The following KDM2A variants were observed in gnomAD, a reference collection of about 807,000 sequenced individuals.
KDM2A encodes lysine demethylase 2A.
A neutral mutation model predicts 137.3 loss-of-function variants in KDM2A; 3 were observed. That is an observed-to-expected ratio of 0.02 (90% confidence interval 0.01 to 0.06). The LOEUF (loss-of-function observed/expected upper bound fraction) is 0.06. Ranked by LOEUF, KDM2A falls within the 10% of genes least tolerant of loss-of-function variation. The probability of loss-of-function intolerance (pLI) is 1.00; values close to 1 mark genes in which losing one functional copy is unlikely to be tolerated. For missense variants in KDM2A, 738 were observed against 1,510.6 expected (o/e 0.49, Z 8.48); for synonymous variants, 512 against 541.5 (o/e 0.95, Z 0.76).
rs567375470 is a variant in KDM2A, at chr11:67,254,862, C to T, written c.3308-12C>T. The T allele has an allele frequency of 8.2e-5, 132 of 1,612,788 alleles. 3 individuals are homozygous for T. In the South Asian group the frequency reaches 1.4e-3, roughly 17 times the overall value. On this transcript the variant is annotated splice_polypyrimidine_tract_variant and intron_variant, in intron 20 of 20. Transcript: ENST00000529006. This position sits in a 1 kb window ranked among gnomAD's most constrained non-coding sequence, Gnocchi z 4.7. ...TATGTGAGCACTGTCATTATGTCCACTTTCCCGACAGGTTGCAATAAATTG... is the reference window on the plus strand; with the variant it reads ...TATGTGAGCACTGTCATTATGTCCATTTTCCCGACAGGTTGCAATAAATTG...
chr11:67,219,559 A>G (rs182800538), intron 10 of KDM2A, 156 bp downstream of exon 10: 2 of 317,410 alleles, frequency 6.3e-6, no homozygotes, highest in African/African-American at 4.5e-5. Flanking sequence ...TTTAAATTTA[A>G]TTTTTTTTTT....
chr11:67,255,097 T>C lies in KDM2A; in HGVS notation c.*42T>C. On this transcript the variant is annotated 3_prime_UTR_variant, in exon 21 of 21. Transcript: ENST00000529006. ...ATTCAACAGGAAACCGATCTTCCCC[T>C]GACTCCCCACCGAGGAGAGCCTCTC... 6.4e-7 allele frequency: 1 copy of C among 1,560,900 alleles called. No individual in the cohort carries two copies. Among genetic ancestry groups the C allele is most frequent in the Non-Finnish European group, 8.7e-7 (1 of 1,149,406 alleles).
At position 67,255,612 on chromosome 11, in the gene KDM2A, G is replaced by A. The variant is rs767404589; in HGVS notation, c.*557G>A. ...GCTGTTGAGATCTCCCAAACCTCAC[G>A]TCCTTAACTGTGCTCTCCCTCCTTT... On this transcript the variant is annotated 3_prime_UTR_variant, in exon 21 of 21. Transcript: ENST00000529006. 3 of 455,996 alleles carry A rather than the reference G, an allele frequency of 6.6e-6. No individual in the cohort carries two copies. Among genetic ancestry groups the A allele is most frequent in the South Asian group, 4.6e-5 (3 of 64,520 alleles). The allele number at this position is 455,996 out of a possible 1,614,324, so 28.2% of individuals were successfully genotyped here. A position where few individuals can be genotyped will look rare whatever the true frequency, so the allele number is the denominator to read the frequency against.
At chr11:67,139,102 A>G (rs1212325051) in intron 2 of KDM2A, among the ~76,000 whole-genome samples, 2 of 152,066 alleles carry the variant, frequency 1.3e-5, no homozygotes, top group Non-Finnish European at 2.9e-5. Flanking sequence ...CATGCTCCTT[A>G]AGTCTTATTT....
intron 2 of KDM2A, among the ~76,000 whole-genome samples, chr11:67,126,707 CAAAAAAA>C (rs765065960): frequency 8.0e-5 from 6 of 75,306 alleles, no homozygotes; most frequent in East Asian, 8.7e-4. Context: ...GACTCCATTT[CAAAAAAA>C]AAAAAAAAAA....
rs200466687 is a variant in KDM2A at position 67,163,854 on chromosome 11, TA to T, written c.43-16208del. ...CTGGTGACAGAGCGACACTCCATCTTAAAAAAAAAAAAAAAAATCACAGTTG... is the reference window on the plus strand; with the variant it reads ...CTGGTGACAGAGCGACACTCCATCTTAAAAAAAAAAAAAAAATCACAGTTG... On this transcript the variant is annotated intron_variant, in intron 2 of 20. Coordinates refer to ENST00000529006, the MANE Select transcript of KDM2A (RefSeq NM_012308.3). Among the ~76,000 whole-genome samples, 1,018 of 138,368 alleles carry T rather than the reference TA, an allele frequency of 7.4e-3. 4 individuals are homozygous for T. The highest frequency in any genetic ancestry group is 0.011 in the African/African-American group (418 of 37,854). 90.8% of individuals were successfully genotyped at this position (138,368 alleles called of 152,430 possible). A position where few individuals can be genotyped will look rare whatever the true frequency, so the allele number is the denominator to read the frequency against.
intron 5 of KDM2A, among the ~76,000 whole-genome samples, chr11:67,186,308 T>C (rs1313606226): frequency 1.3e-5 from 2 of 152,178 alleles, no homozygotes; most frequent in Non-Finnish European, 2.9e-5. Context: ...AACGAATTTC[T>C]CATCAGAAAC....
chr11:67,130,214 T>C (rs1009700079), intron 2 of KDM2A, among the ~76,000 whole-genome samples: 3 of 152,036 alleles, frequency 2.0e-5, no homozygotes, highest in African/African-American at 7.2e-5. Context: ...AGAGCAGTTT[T>C]CTGGGTTGAA....
chr11:67,250,004 A>G lies in KDM2A; in HGVS notation c.2056-82A>G, dbSNP rs541598534. 26 of 1,149,926 alleles carry G rather than the reference A, an allele frequency of 2.3e-5. No homozygotes were observed. Among genetic ancestry groups the G allele is most frequent in the Non-Finnish European group, 2.8e-5 (23 of 815,906 alleles). 71.2% of individuals were successfully genotyped at this position (1,149,926 alleles called of 1,614,324 possible). A position where few individuals can be genotyped will look rare whatever the true frequency, so the allele number is the denominator to read the frequency against. ...CCTTTCTTCTCTCTGGTCCCCTGAG[A>G]GCAAGGGAGGTCCACCCTGTCGGTT... is the stretch of plus-strand genomic sequence containing the variant. On this transcript the variant is annotated intron_variant, in intron 16 of 20. Transcript: ENST00000529006. This position sits in a 1 kb window ranked among gnomAD's most constrained non-coding sequence, Gnocchi z 7.1.
At chr11:67,217,582 G>A in intron 8 of KDM2A, 149 bp from the exon 9 acceptor site, 1 of 699,640 alleles carries the variant, frequency 1.4e-6, no homozygotes, top group Non-Finnish European at 2.4e-6. Context: ...ACCTTCTAGG[G>A]TTTACCACAT....
intron 1 of KDM2A, among the ~76,000 whole-genome samples, chr11:67,120,335 C>A (rs1410543895): frequency 6.6e-6 from 1 of 152,212 alleles, no homozygotes. Context: ...TCATCGGGTC[C>A]TCTGGTCTCG....
At chr11:67,246,342 CTGTCCTCA>C (rs1859203686) in intron 15 of KDM2A, among the ~76,000 whole-genome samples, 1 of 152,170 alleles carries the variant, frequency 6.6e-6, no homozygotes, top group Non-Finnish European at 1.5e-5. Flanking sequence ...GACCCAGTTC[CTGTCCTCA>C]TGGAGCTTAG....
At chr11:67,224,769 A>G (rs573342482) in intron 10 of KDM2A, among the ~76,000 whole-genome samples, 1 of 149,112 alleles carries the variant, frequency 6.7e-6, no homozygotes, top group Non-Finnish European at 1.5e-5. Context: ...TCCGGCCAAA[A>G]TTAATCCCTT....
chr11:67,156,644 G>A (rs1164718866), intron 2 of KDM2A, among the ~76,000 whole-genome samples: 5 of 151,444 alleles, frequency 3.3e-5, no homozygotes, highest in Admixed American at 2.0e-4. Flanking sequence ...GCGTGAACCC[G>A]GGAGGCTGAG....
intron 2 of KDM2A, among the ~76,000 whole-genome samples, chr11:67,130,773 C>T (rs1855837068): frequency 6.6e-6 from 1 of 152,000 alleles, no homozygotes; most frequent in Admixed American, 6.6e-5. Flanking sequence ...TTATTATATG[C>T]CAGATAGTAG....
chr11:67,155,814 C>G (rs944086209), intron 2 of KDM2A, among the ~76,000 whole-genome samples: 2 of 149,492 alleles, frequency 1.3e-5, no homozygotes, highest in Non-Finnish European at 3.0e-5. Context: ...CGGGGTTTCT[C>G]CATGTTGGTC....
chr11:67,121,508 G>T (rs1855596549), intron 2 of KDM2A, 150 bp downstream of exon 2: 1 of 657,024 alleles, frequency 1.5e-6, no homozygotes, highest in Admixed American at 3.2e-5. Context: ...TATTAATATC[G>T]AATTTGGCTT....
At position 67,250,967 on chromosome 11, in the gene KDM2A, T is replaced by C. The variant is rs1272487881; in HGVS notation, c.2768+169T>C. 6.6e-6 allele frequency among the ~76,000 whole-genome samples: 1 copy of C among 152,228 alleles called. No homozygotes were observed. The highest frequency in any genetic ancestry group is 1.5e-5 in the Non-Finnish European group (1 of 68,042). On this transcript the variant is annotated intron_variant, in intron 17 of 20. Coordinates refer to ENST00000529006, the MANE Select transcript of KDM2A (RefSeq NM_012308.3). The surrounding 1 kb of genome is among the most constrained non-coding windows in gnomAD (Gnocchi z 7.1). ...TCCTGTTTAAAGATGTAGCCTGTTGTACCCGCAGATGTCATTAGGGAACTG... is the reference window on the plus strand; with the variant it reads ...TCCTGTTTAAAGATGTAGCCTGTTGCACCCGCAGATGTCATTAGGGAACTG...
At chr11:67,196,612 A>G (rs1857489047) in intron 5 of KDM2A, 1 of 369,226 alleles carries the variant, frequency 2.7e-6, no homozygotes, top group Non-Finnish European at 5.3e-6. Flanking sequence ...GCTAAGTGAA[A>G]TAACCCAGCC....
Sources: gnomAD v4.1 joint callset for allele counts (sites outside exome capture counted in the v4.1 genomes callset) on GRCh38, gnomAD v4.1.1 for gene constraint, Gnocchi (gnomAD v3.1) non-coding constraint, MANE v1.5 for transcripts, NCBI Gene and HGNC (gene_info 2026-07-23, HGNC 2026-07-21) for gene names.